The following CLIC1 variants were observed in gnomAD, a reference collection of about 807,000 sequenced individuals.
CLIC1 encodes the protein chloride intracellular channel protein 1.
Under a neutral mutation model 26.4 loss-of-function variants are expected in CLIC1, and 16 were observed. The observed-to-expected ratio is 0.61, with a 90% CI of 0.41 to 0.92. The LOEUF (loss-of-function observed/expected upper bound fraction) is 0.92. Ranked by LOEUF, CLIC1 falls within the 40% of genes least tolerant of loss-of-function variation. CLIC1 has a pLI of 0.00. For missense variants in CLIC1, 225 were observed against 289.7 expected (o/e 0.78, Z 1.62); for synonymous variants, 98 against 120.8 (o/e 0.81, Z 1.24).
rs573097614 is a variant in CLIC1, at chr6:31,736,307, G to T, written c.-7C>A. 63 of 1,612,910 alleles carry T rather than the reference G, an allele frequency of 3.9e-5. No individual in the cohort carries two copies. The highest frequency in any genetic ancestry group is 1.7e-4 in the Middle Eastern group (1 of 5,988). On this transcript the variant is annotated 5_prime_UTR_variant, in exon 1 of 6. Transcript: ENST00000375784. This position sits in a 1 kb window ranked among gnomAD's most constrained non-coding sequence, Gnocchi z 5.0. ...GCGGTTGTTCTTCAGCCATGGTTGC[G>T]TCGGGGACCAGGAAGTGGCCGTCCC...
rs1360761521 is a variant in CLIC1, at chr6:31,733,611, T to G, written c.337A>C (p.Lys113Gln). 6.2e-7 allele frequency: 1 copy of G among 1,612,952 alleles called. No individual in the cohort carries two copies. The highest frequency in any genetic ancestry group is 1.7e-5 in the Admixed American group (1 of 60,002). ...GAATTCTTGATGTAGGCAGAAAATTTGGCAAATATGTCCAGCCCAGCTGTG... is the reference window on the plus strand; with the variant it reads ...GAATTCTTGATGTAGGCAGAAAATTGGGCAAATATGTCCAGCCCAGCTGTG... The change falls in exon 4 of 6, where the codon AAA (lysine) becomes CAA (glutamine). Residue 113 changes from lysine (K) to glutamine (Q), a missense_variant. By Grantham distance (53) the Lys-to-Gln change is moderately conservative (BLOSUM62 1). Transcript: ENST00000375784. The surrounding 1 kb of genome is among the most constrained non-coding windows in gnomAD (Gnocchi z 5.4).
At position 31,736,304 on chromosome 6, in the gene CLIC1, T is replaced by G; in HGVS notation, c.-4A>C. The G allele has an allele frequency of 1.9e-6, 3 of 1,612,952 alleles. No individual in the cohort carries two copies. The highest frequency in any genetic ancestry group is 2.5e-6 in the Non-Finnish European group (3 of 1,179,998). On this transcript the variant is annotated 5_prime_UTR_variant, in exon 1 of 6. Transcript: ENST00000375784. The surrounding 1 kb of genome is among the most constrained non-coding windows in gnomAD (Gnocchi z 5.0). ...CCTGCGGTTGTTCTTCAGCCATGGTTGCGTCGGGGACCAGGAAGTGGCCGT... is the reference window on the plus strand; with the variant it reads ...CCTGCGGTTGTTCTTCAGCCATGGTGGCGTCGGGGACCAGGAAGTGGCCGT...
chr6:31,730,929 G>A lies in CLIC1; in HGVS notation c.639C>T (p.Ala213=). ...TGGAAGCGAATTCTTCCCGGGCGTA[G>A]GCATTGCTCAAGTACCGATGCACTC... Residue 213 remains alanine (A), a synonymous_variant, in exon 6 of 6, where the codon GCC becomes GCT. Transcript: ENST00000375784. This position sits in a 1 kb window ranked among gnomAD's most constrained non-coding sequence, Gnocchi z 5.1. 6.2e-7 allele frequency: 1 copy of A among 1,613,082 alleles called. No homozygotes were observed. The highest frequency in any genetic ancestry group is 8.5e-7 in the Non-Finnish European group (1 of 1,180,026).
chr6:31,735,229 AG>A (rs1245235797), intron 1 of CLIC1, among the ~76,000 whole-genome samples: 11 of 151,732 alleles, frequency 7.2e-5, no homozygotes, highest in Admixed American at 6.6e-4. Context: ...GAAAGGCGGC[AG>A]GAAAGTGGAG....
At chr6:31,736,631 C>G, upstream of CLIC1, 7 of 1,208,664 alleles carry the variant, frequency 5.8e-6, no homozygotes, top group Non-Finnish European at 7.3e-6. This position sits in a 1 kb window ranked among gnomAD's most constrained non-coding sequence, Gnocchi z 5.0. Flanking sequence ...GGGGAATCCT[C>G]GGATCTCCCA....
At chr6:31,735,788 T>A (rs551773254) in intron 1 of CLIC1, among the ~76,000 whole-genome samples, 7 of 140,946 alleles carry the variant, frequency 5.0e-5, no homozygotes, top group African/African-American at 1.9e-4. Context: ...ACACACCGTC[T>A]TCCCTGAAGC....
chr6:31,733,890 T>C lies in CLIC1; in HGVS notation c.221A>G (p.His74Arg). The change falls in exon 3 of 6, where the codon CAC (histidine) becomes CGC (arginine). Residue 74 changes from histidine (H) to arginine (R), a missense_variant. By Grantham distance (29) the His-to-Arg change is conservative. Transcript: ENST00000375784. This position sits in a 1 kb window ranked among gnomAD's most constrained non-coding sequence, Gnocchi z 5.4. ...TTCCTCAATCTTGTTGGTGTCTGTG[T>C]GCACTTCAGTGCCATACAGCAGGAA... The C allele has an allele frequency of 6.2e-7, 1 of 1,614,096 alleles. No individual in the cohort carries two copies. Among genetic ancestry groups the C allele is most frequent in the East Asian group, 2.2e-5 (1 of 44,874 alleles).
Position 31,734,926 on chromosome 6 carries a change from T to C in CLIC1, c.40-663A>G, listed in dbSNP as rs1356515974. Among the ~76,000 whole-genome samples the C allele has an allele frequency of 6.6e-6, 1 of 151,892 alleles. No homozygotes were observed. The highest frequency in any genetic ancestry group is 1.5e-5 in the Non-Finnish European group (1 of 67,960). Reference sequence around the variant, plus strand: ...AGGCCTGGGCAGCTAAGGCTACCCCTAACCTGCTGCCAGGGTCTCCCAGCA... The same window carrying C: ...AGGCCTGGGCAGCTAAGGCTACCCCCAACCTGCTGCCAGGGTCTCCCAGCA... On this transcript the variant is annotated intron_variant, in intron 1 of 5. Coordinates refer to ENST00000375784, the Ensembl canonical transcript of CLIC1. This position sits in a 1 kb window ranked among gnomAD's most constrained non-coding sequence, Gnocchi z 5.3.
Position 31,733,940 on chromosome 6 carries a change from C to G in CLIC1, c.171G>C (p.Lys57Asn). The change falls in exon 3 of 6, where the codon AAG (lysine) becomes AAC (asparagine). Residue 57 changes from lysine (K) to asparagine (N), a missense_variant. Coordinates refer to ENST00000375784, the Ensembl canonical transcript of CLIC1. The surrounding 1 kb of genome is among the most constrained non-coding windows in gnomAD (Gnocchi z 5.4). ...ATGGGAGCTGCCCCCCTGGGCACAG[C>G]TTCTGCACTGTCTCGGTCCGCCTGG... The G allele has an allele frequency of 6.2e-7, 1 of 1,613,848 alleles. No homozygotes were observed. Among genetic ancestry groups the G allele is most frequent in the Non-Finnish European group, 8.5e-7 (1 of 1,179,876 alleles).
In CLIC1 at chr6:31,736,326, C is replaced by T. The variant is rs1161702755; in HGVS notation, c.-26G>A. On this transcript the variant is annotated 5_prime_UTR_variant, in exon 1 of 6. Coordinates refer to ENST00000375784, the Ensembl canonical transcript of CLIC1. This position sits in a 1 kb window ranked among gnomAD's most constrained non-coding sequence, Gnocchi z 5.0. ...GGTTGCGTCGGGGACCAGGAAGTGG[C>T]CGTCCCTGGGGGAACTGGGAGGGGC... 1.2e-6 allele frequency: 2 copies of T among 1,612,648 alleles called. No individual in the cohort carries two copies. Among genetic ancestry groups the T allele is most frequent in the Non-Finnish European group, 1.7e-6 (2 of 1,180,000 alleles).
chr6:31,733,626 G>T lies in CLIC1; in HGVS notation c.322C>A (p.Leu108Met). 1 of 1,613,078 alleles carries T rather than the reference G, an allele frequency of 6.2e-7. No homozygotes were observed. Among genetic ancestry groups the T allele is most frequent in the Non-Finnish European group, 8.5e-7 (1 of 1,180,016 alleles). The change falls in exon 4 of 6, where the codon CTG (leucine) becomes ATG (methionine). Residue 108 changes from leucine to methionine, a missense_variant. Coordinates refer to ENST00000375784, the Ensembl canonical transcript of CLIC1. This position sits in a 1 kb window ranked among gnomAD's most constrained non-coding sequence, Gnocchi z 5.4. The stretch of plus-strand genomic sequence containing the variant: ...GCAGAAAATTTGGCAAATATGTCCA[G>T]CCCAGCTGTGTTGGACTCAGGGTTC...
chr6:31,736,341 C>A lies in CLIC1; in HGVS notation c.-41G>T. 6.2e-7 allele frequency: 1 copy of A among 1,612,346 alleles called. No homozygotes were observed. The highest frequency in any genetic ancestry group is 8.5e-7 in the Non-Finnish European group (1 of 1,179,958). The stretch of plus-strand genomic sequence containing the variant: ...CAGGAAGTGGCCGTCCCTGGGGGAA[C>A]TGGGAGGGGCTGGGACCGGGGAAGG... On this transcript the variant is annotated 5_prime_UTR_variant, in exon 1 of 6. Transcript: ENST00000375784. This position sits in a 1 kb window ranked among gnomAD's most constrained non-coding sequence, Gnocchi z 5.0.
At position 31,734,420 on chromosome 6, in the gene CLIC1, A is replaced by T. The variant is rs961195469; in HGVS notation, c.40-157T>A. Among the ~76,000 whole-genome samples the T allele has an allele frequency of 6.6e-6, 1 of 152,254 alleles. No individual in the cohort carries two copies. The highest frequency in any genetic ancestry group is 2.4e-5 in the African/African-American group (1 of 41,472). ...GCTCTTTGCCCTTGGGCCTGGGTCA[A>T]ACCTAAGGCAGATCAATGGGAAACT... On this transcript the variant is annotated intron_variant, in intron 1 of 5. Coordinates refer to ENST00000375784, the Ensembl canonical transcript of CLIC1. The surrounding 1 kb of genome is among the most constrained non-coding windows in gnomAD (Gnocchi z 5.3).
In CLIC1 at chr6:31,732,408, A is replaced by G; in HGVS notation, c.383-10T>C. On this transcript the variant is annotated splice_polypyrimidine_tract_variant and intron_variant, in intron 4 of 5. Coordinates refer to ENST00000375784, the Ensembl canonical transcript of CLIC1. This position sits in a 1 kb window ranked among gnomAD's most constrained non-coding sequence, Gnocchi z 5.0. ...AGTCCCTTCTCCAGATCTGTGCAAG[A>G]GAGGGAACTGATTAGAACTTCAGGA... is the stretch of plus-strand genomic sequence containing the variant. 6.8e-7 allele frequency: 1 copy of G among 1,462,336 alleles called. No homozygotes were observed. The highest frequency in any genetic ancestry group is 9.1e-7 in the Non-Finnish European group (1 of 1,104,006). The allele number at this position is 1,462,336 out of a possible 1,614,324, so 90.6% of individuals were successfully genotyped here.
chr6:31,734,023 A>G lies in CLIC1; in HGVS notation c.150-62T>C. ...GGTCAGGAAGAACCAGAAAGGGGGA[A>G]TGGAGGACGTGGGATAAGAAAGGGA... On this transcript the variant is annotated intron_variant, in intron 2 of 5. Coordinates refer to ENST00000375784, the Ensembl canonical transcript of CLIC1. This position sits in a 1 kb window ranked among gnomAD's most constrained non-coding sequence, Gnocchi z 5.3. 1.0e-5 allele frequency: 16 copies of G among 1,602,332 alleles called. No individual in the cohort carries two copies. Among genetic ancestry groups the G allele is most frequent in the Non-Finnish European group, 1.4e-5 (16 of 1,172,196 alleles).
rs766457611 is a variant in CLIC1 at position 31,734,264 on chromosome 6, C to G, written c.40-1G>C. 1 of 1,613,468 alleles carries G rather than the reference C, an allele frequency of 6.2e-7. No individual in the cohort carries two copies. Among genetic ancestry groups the G allele is most frequent in the Non-Finnish European group, 8.5e-7 (1 of 1,179,468 alleles). ...CAATCTTGGCCCCATCACTGCCAGCCTGAAAAGTAACCCCAACCCAAGGTT... is the reference window on the plus strand; with the variant it reads ...CAATCTTGGCCCCATCACTGCCAGCGTGAAAAGTAACCCCAACCCAAGGTT... On this transcript the variant is annotated splice_acceptor_variant, in intron 1 of 5. Transcript: ENST00000375784. LOFTEE classifies it high-confidence loss of function. This position sits in a 1 kb window ranked among gnomAD's most constrained non-coding sequence, Gnocchi z 5.3.
rs746590007 is a variant in CLIC1, at chr6:31,733,791, A to G, written c.275+45T>C. 3.1e-6 allele frequency: 5 copies of G among 1,608,984 alleles called. No individual in the cohort carries two copies. The highest frequency in any genetic ancestry group is 4.3e-6 in the Non-Finnish European group (5 of 1,175,590). On this transcript the variant is annotated intron_variant, in intron 3 of 5. Transcript: ENST00000375784. The surrounding 1 kb of genome is among the most constrained non-coding windows in gnomAD (Gnocchi z 5.4). ...CATTTCTGCAAACTGTCTGTTTCCC[A>G]GAATCTCCCTGCTCCACCTCTCCAC...
At chr6:31,736,686 T>C, upstream of CLIC1, 3 of 1,072,264 alleles carry the variant, frequency 2.8e-6, no homozygotes, top group African/African-American at 1.6e-5. The surrounding 1 kb of genome is among the most constrained non-coding windows in gnomAD (Gnocchi z 5.0). Context: ...GAAAACCTCC[T>C]TGTTTCTCCG....
chr6:31,736,472 G>A lies in CLIC1; in HGVS notation c.-172C>T. 1 of 1,418,158 alleles carries A rather than the reference G, an allele frequency of 7.1e-7. No individual in the cohort carries two copies. The allele number at this position is 1,418,158 out of a possible 1,614,324, so 87.8% of individuals were successfully genotyped here. A position where few individuals can be genotyped will look rare whatever the true frequency, so the allele number is the denominator to read the frequency against. ...GCACCCAAACTAGGCCTCCCCACCA[G>A]CCCAACGCACCCCACACCCAGCTCC... On this transcript the variant is annotated 5_prime_UTR_variant, in exon 1 of 6. Coordinates refer to ENST00000375784, the Ensembl canonical transcript of CLIC1. This position sits in a 1 kb window ranked among gnomAD's most constrained non-coding sequence, Gnocchi z 5.0.
Sources: gnomAD v4.1 joint callset for allele counts (sites outside exome capture counted in the v4.1 genomes callset) on GRCh38, gnomAD v4.1.1 for gene constraint, Gnocchi (gnomAD v3.1) non-coding constraint, MANE v1.5 for transcripts, NCBI Gene and HGNC (gene_info 2026-07-23, HGNC 2026-07-21) for gene names.